BICD1: variants seen among roughly 807,000 people sequenced by gnomAD.
BICD1 encodes the protein BICD cargo adaptor 1.
In BICD1, 35 loss-of-function variants were observed where a neutral mutation model predicts 92.5. The observed-to-expected ratio is 0.38, with a 90% CI of 0.29 to 0.50. BICD1 has a LOEUF of 0.50. Among genes scored for constraint, BICD1 ranks in the 20% least tolerant of loss-of-function variants. The probability of loss-of-function intolerance (pLI) is 0.93; values close to 1 mark genes in which losing one functional copy is unlikely to be tolerated. For synonymous variants in BICD1, 429 were observed against 465.1 expected (o/e 0.92, Z 1.00); for missense variants, 950 against 1,189.8 (o/e 0.80, Z 2.97).
At chr12:32,152,498 T>C (rs1353910644) in intron 1 of BICD1, among the ~76,000 whole-genome samples, 5 of 152,104 alleles carry the variant, frequency 3.3e-5, no homozygotes, top group African/African-American at 4.8e-5. Context: ...AGTGTTGGGA[T>C]TACAGGCGTG....
intron 9 of BICD1, among the ~76,000 whole-genome samples, chr12:32,374,734 ATTTTTTTTTT>A (rs1179747608): frequency 1.7e-4 from 14 of 80,122 alleles, no homozygotes; most frequent in East Asian, 3.5e-4. Context: ...CGCCCGGCTA[ATTTTTTTTTT>A]TTTTTTTTTT....
chr12:32,130,897 G>T (rs1378102195), intron 1 of BICD1, among the ~76,000 whole-genome samples: 1 of 151,980 alleles, frequency 6.6e-6, no homozygotes, highest in African/African-American at 2.4e-5. Flanking sequence ...GAGTTCAGTG[G>T]TGTGATCTCA....
At chr12:32,249,855 C>G (rs1174940730) in intron 2 of BICD1, among the ~76,000 whole-genome samples, 1 of 151,522 alleles carries the variant, frequency 6.6e-6, no homozygotes, top group African/African-American at 2.4e-5. Context: ...CTTTGGTTCC[C>G]AGGAATGCTG....
rs1673862 is a variant in BICD1 at position 32,116,462 on chromosome 12, G to C, written c.213+8918G>C. 3.9e-4 allele frequency among the ~76,000 whole-genome samples: 36 copies of C among 91,652 alleles called. 1 individual carries two copies. Among genetic ancestry groups the C allele is most frequent in the South Asian group, 1.5e-3 (4 of 2,710 alleles). The allele number at this position is 91,652 out of a possible 152,430, so 60.1% of individuals were successfully genotyped here. On this transcript the variant is annotated intron_variant, in intron 1 of 9. Transcript: ENST00000652176. ...TCTCTGTCTGTCTGTCTGTCTGTCT[G>C]TCTCTCTCTCTCTCTCTCTCTCTCT...
intron 3 of BICD1, among the ~76,000 whole-genome samples, chr12:32,298,236 G>A (rs570490519): frequency 1.3e-5 from 2 of 151,196 alleles, no homozygotes; most frequent in East Asian, 3.9e-4. Context: ...CTTCTAATAT[G>A]AAACATTTCC....
intron 2 of BICD1, among the ~76,000 whole-genome samples, chr12:32,287,013 A>G (rs1408158306): frequency 2.0e-5 from 3 of 152,060 alleles, no homozygotes; most frequent in African/African-American, 7.2e-5. Context: ...GGGCGAGGGG[A>G]GCTATTTTAT....
chr12:32,118,470 A>G (rs577505518), intron 1 of BICD1, among the ~76,000 whole-genome samples: 98 of 152,270 alleles, frequency 6.4e-4, no homozygotes, highest in African/African-American at 2.2e-3. Context: ...CCTTGGATTG[A>G]AAATATTTGG....
intron 1 of BICD1, chr12:32,107,915 A>G (rs1365199734): frequency 3.5e-6 from 2 of 564,428 alleles, no homozygotes; most frequent in Non-Finnish European, 6.3e-6. Flanking sequence ...TTCGTAGTCC[A>G]CAAAAGTGAT....
intron 2 of BICD1, among the ~76,000 whole-genome samples, chr12:32,266,101 T>C (rs536844811): frequency 1.2e-4 from 18 of 152,156 alleles, no homozygotes; most frequent in Non-Finnish European, 2.6e-4. Context: ...ACAGACACGA[T>C]TTCTATTTAG....
intron 1 of BICD1, among the ~76,000 whole-genome samples, chr12:32,192,781 G>A (rs1944613927): frequency 6.6e-6 from 1 of 152,210 alleles, no homozygotes; most frequent in Non-Finnish European, 1.5e-5. Flanking sequence ...ATTAGTAAAG[G>A]TGGATGATTT....
At chr12:32,140,531 G>A (rs1942880144) in intron 1 of BICD1, among the ~76,000 whole-genome samples, 1 of 152,136 alleles carries the variant, frequency 6.6e-6, no homozygotes, top group Non-Finnish European at 1.5e-5. Context: ...GCCCAGGCTG[G>A]AGTGCAGTGG....
chr12:32,262,570 G>A (rs1361825614), intron 2 of BICD1, among the ~76,000 whole-genome samples: 1 of 152,184 alleles, frequency 6.6e-6, no homozygotes, highest in Non-Finnish European at 1.5e-5. Context: ...TTGGAATAAG[G>A]GTCTTTGCCA....
At chr12:32,292,112 T>C (rs897699327) in intron 2 of BICD1, among the ~76,000 whole-genome samples, 3 of 152,144 alleles carry the variant, frequency 2.0e-5, no homozygotes, top group African/African-American at 7.2e-5. Context: ...CGTCTCACAG[T>C]TCTGGAGGCC....
intron 3 of BICD1, among the ~76,000 whole-genome samples, chr12:32,303,574 A>C (rs1249246073): frequency 6.6e-6 from 1 of 152,202 alleles, no homozygotes; most frequent in Non-Finnish European, 1.5e-5. Context: ...GATGTGGGTA[A>C]CTTTTAATGT....
chr12:32,148,289 A>G (rs1417845288), intron 1 of BICD1, among the ~76,000 whole-genome samples: 4 of 152,100 alleles, frequency 2.6e-5, no homozygotes, highest in Admixed American at 1.3e-4. Flanking sequence ...AGTCTGATGC[A>G]GTTACATTCG....
chr12:32,262,154 C>T (rs780145276), intron 2 of BICD1, among the ~76,000 whole-genome samples: 2 of 152,218 alleles, frequency 1.3e-5, no homozygotes, highest in Non-Finnish European at 2.9e-5. Flanking sequence ...AAATGCAGCT[C>T]ATTACCAGAA....
rs1945917565 is a variant in BICD1 at position 32,232,376 on chromosome 12, T to G, written c.426+15917T>G. 2.0e-5 allele frequency among the ~76,000 whole-genome samples: 3 copies of G among 152,152 alleles called. No individual in the cohort carries two copies. The South Asian group carries it at 6.2e-4, about 32-fold the overall frequency. On this transcript the variant is annotated intron_variant, in intron 2 of 9. Coordinates refer to ENST00000652176, the MANE Select transcript of BICD1 (RefSeq NM_001714.4). ...TTTTTTCATGTGTTTTTTGGCTGCA[T>G]AAATGTCTTCTTCTGAGAAGTGTCT...
rs1941498312 is a variant in BICD1, at chr12:32,107,125, C to T, written c.-207C>T. 3.3e-6 allele frequency: 2 copies of T among 597,462 alleles called. No homozygotes were observed. The highest frequency in any genetic ancestry group is 3.0e-5 in the Admixed American group (1 of 33,572). 37.0% of individuals were successfully genotyped at this position (597,462 alleles called of 1,614,324 possible). ...CTCGCCCCTGACCCTCTGCCCTGTTCTCCATGTTGCATTTCTCGTCAGTTT... is the reference window on the plus strand; with the variant it reads ...CTCGCCCCTGACCCTCTGCCCTGTTTTCCATGTTGCATTTCTCGTCAGTTT... On this transcript the variant is annotated 5_prime_UTR_variant, in exon 1 of 10. Transcript: ENST00000652176.
intron 1 of BICD1, among the ~76,000 whole-genome samples, chr12:32,126,751 G>T (rs113680606): frequency 2.4e-4 from 36 of 151,956 alleles, no homozygotes; most frequent in African/African-American, 7.5e-4. Context: ...GACAGAGTGA[G>T]ACTCTGTTTA....
Sources: gnomAD v4.1 joint callset for allele counts (sites outside exome capture counted in the v4.1 genomes callset) on GRCh38, gnomAD v4.1.1 for gene constraint, MANE v1.5 for transcripts, NCBI Gene and HGNC (gene_info 2026-07-23, HGNC 2026-07-21) for gene names.